The following EFCAB13 variants were observed in gnomAD, a reference collection of about 807,000 sequenced individuals.
EFCAB13 encodes the protein EF-hand calcium binding domain 13.
Under a neutral mutation model 110.2 loss-of-function variants are expected in EFCAB13, and 91 were observed. That is an observed-to-expected ratio of 0.83 (90% CI 0.70 to 0.98). The LOEUF (loss-of-function observed/expected upper bound fraction) is 0.98, where lower values mean the gene tolerates loss of function less well. Among genes scored for constraint, EFCAB13 ranks in the 50% least tolerant of loss-of-function variants. EFCAB13 has a pLI of 0.00. For synonymous variants in EFCAB13, 323 were observed against 369.9 expected (o/e 0.87, Z 1.45); for missense variants, 968 against 1,119.4 (o/e 0.86, Z 1.93).
chr17:47,388,117 G>A (rs751577058), intron 14 of EFCAB13, among the ~76,000 whole-genome samples: 1 of 152,192 alleles, frequency 6.6e-6, no homozygotes, highest in Non-Finnish European at 1.5e-5. Flanking sequence ...GCCTGGGGTT[G>A]CTGGTCCCAC....
intron 18 of EFCAB13, among the ~76,000 whole-genome samples, chr17:47,402,938 C>T (rs2065786450): frequency 6.6e-6 from 1 of 152,148 alleles, no homozygotes; most frequent in Admixed American, 6.5e-5. Flanking sequence ...CCTGGTCTTA[C>T]AGTATGTGGA....
At chr17:47,386,840 A>C (rs1005107734) in intron 14 of EFCAB13, among the ~76,000 whole-genome samples, 4 of 152,130 alleles carry the variant, frequency 2.6e-5, no homozygotes, top group Non-Finnish European at 5.9e-5. Context: ...CAGATAGCAC[A>C]GTCTCTCAAG....
intron 15 of EFCAB13, among the ~76,000 whole-genome samples, chr17:47,393,821 C>T (rs780420134): frequency 4.0e-5 from 6 of 150,710 alleles, no homozygotes; most frequent in East Asian, 1.9e-4. Flanking sequence ...AATTTTGACC[C>T]GTTTTCTTGG....
At chr17:47,337,177 G>A (rs1254692310) in intron 5 of EFCAB13, among the ~76,000 whole-genome samples, 1 of 152,206 alleles carries the variant, frequency 6.6e-6, no homozygotes, top group Non-Finnish European at 1.5e-5. Context: ...GGGAGGTTAG[G>A]AAGAAAAGGA....
chr17:47,423,533 C>T lies in EFCAB13; in HGVS notation c.2495-6285C>T, dbSNP rs549793204. ...GCTCCTCCTTCGCTTCTCCCGATCC[C>T]CGGCCGTGCCAGGCACGGTGCCGGC... On this transcript the variant is annotated intron_variant, in intron 23 of 24. Transcript: ENST00000331493. 4.6e-4 allele frequency: 134 copies of T among 288,424 alleles called. No homozygotes were observed. In the East Asian group the frequency reaches 7.6e-3, roughly 16 times the overall value. The allele number at this position is 288,424 out of a possible 1,614,324, so 17.9% of individuals were successfully genotyped here. A position where few individuals can be genotyped will look rare whatever the true frequency, so the allele number is the denominator to read the frequency against.
At chr17:47,340,629 G>C (rs1205381841) in intron 5 of EFCAB13, among the ~76,000 whole-genome samples, 3 of 151,876 alleles carry the variant, frequency 2.0e-5, no homozygotes, top group Admixed American at 6.6e-5. Flanking sequence ...TTGAGACAGA[G>C]TCTTGCCCTG....
rs547947796 is a variant in EFCAB13, at chr17:47,391,641, A to G, written c.1726+61A>G. The G allele has an allele frequency of 4.7e-4, 671 of 1,437,018 alleles. 4 individuals are homozygous for G. The African/African-American group carries it at 9.1e-3, about 20-fold the overall frequency. The allele number at this position is 1,437,018 out of a possible 1,614,324, so 89.0% of individuals were successfully genotyped here. A position where few individuals can be genotyped will look rare whatever the true frequency, so the allele number is the denominator to read the frequency against. ...CATCTGGAAGGAGGGTCAATTTGTT[A>G]TTTTTTTCTTAGAAAAATGACTAAT... is the stretch of plus-strand genomic sequence containing the variant. On this transcript the variant is annotated intron_variant, in intron 15 of 24. Coordinates refer to ENST00000331493, the MANE Select transcript of EFCAB13 (RefSeq NM_152347.5).
At chr17:47,438,697 T>C (rs1905257150) in intron 24 of EFCAB13, among the ~76,000 whole-genome samples, 1 of 152,212 alleles carries the variant, frequency 6.6e-6, no homozygotes, top group East Asian at 1.9e-4. Flanking sequence ...CTTCACTTCT[T>C]GTATCATATT....
At chr17:47,331,819 A>T (rs1410081389) in intron 4 of EFCAB13, among the ~76,000 whole-genome samples, 1 of 152,110 alleles carries the variant, frequency 6.6e-6, no homozygotes, top group Non-Finnish European at 1.5e-5. Context: ...AGTTGGAATT[A>T]TACAATATGG....
intron 20 of EFCAB13, among the ~76,000 whole-genome samples, chr17:47,406,401 C>T (rs941028471): frequency 2.6e-5 from 4 of 152,044 alleles, no homozygotes; most frequent in African/African-American, 9.7e-5. Flanking sequence ...GAACCACGCC[C>T]GGCCAAATTT....
At chr17:47,355,344 G>A (rs2065474208) in intron 9 of EFCAB13, among the ~76,000 whole-genome samples, 1 of 152,148 alleles carries the variant, frequency 6.6e-6, no homozygotes, top group African/African-American at 2.4e-5. Flanking sequence ...ATAACCTGAT[G>A]ACTATGTGCC....
chr17:47,362,742 C>T (rs529720257), intron 10 of EFCAB13, among the ~76,000 whole-genome samples: 114 of 152,290 alleles, frequency 7.5e-4, no homozygotes, highest in Middle Eastern at 6.8e-3. Flanking sequence ...GAAATAATGG[C>T]GTAAGCTGTC....
In EFCAB13 at chr17:47,409,627, G is replaced by GTC. The variant is rs1228998124; in HGVS notation, c.2234-12_2234-11dup. Reference sequence around the variant, plus strand: ...AGGATGCCATTCCTCATTGTGTAATGTCTCTCTCTAAATTTGCAGATTTCA... The same window carrying GTC: ...AGGATGCCATTCCTCATTGTGTAATGTCTCTCTCTCTAAATTTGCAGATTTCA... On this transcript the variant is annotated intron_variant, in intron 20 of 24. Coordinates refer to ENST00000331493, the MANE Select transcript of EFCAB13 (RefSeq NM_152347.5). The GTC allele has an allele frequency of 6.3e-7, 1 of 1,596,108 alleles. No homozygotes were observed. Among genetic ancestry groups the GTC allele is most frequent in the Non-Finnish European group, 8.6e-7 (1 of 1,164,124 alleles).
intron 6 of EFCAB13, among the ~76,000 whole-genome samples, chr17:47,342,319 C>G (rs2065390180): frequency 6.6e-6 from 1 of 151,910 alleles, no homozygotes; most frequent in South Asian, 2.1e-4. Context: ...GCTTTTTTAA[C>G]AGGAACCCTA....
At chr17:47,430,217 G>C in intron 24 of EFCAB13, 1 of 1,079,348 alleles carries the variant, frequency 9.3e-7, no homozygotes, top group Non-Finnish European at 1.1e-6. Flanking sequence ...TTTGTGAACT[G>C]ACTGACATGC....
chr17:47,374,942 G>GA lies in EFCAB13; in HGVS notation c.1354dup (p.Thr452AsnfsTer4), dbSNP rs756793156. 17 of 1,580,830 alleles carry GA rather than the reference G, an allele frequency of 1.1e-5. No individual in the cohort carries two copies. Among genetic ancestry groups the GA allele is most frequent in the Admixed American group, 3.9e-5 (2 of 50,864 alleles). ...TCTCCAAAAACAGGTTTCGTCTACG[G>GA]AAAAAACTGCAATTAGTACTCTGGG... On this transcript the variant is annotated frameshift_variant, in exon 12 of 25. Transcript: ENST00000331493. LOFTEE classifies it high-confidence loss of function.
At position 47,395,890 on chromosome 17, in the gene EFCAB13, T is replaced by G; in HGVS notation, c.1858T>G (p.Ser620Ala). The change falls in exon 17 of 25, where the codon TCT becomes GCT. Residue 620 changes from serine to alanine, a missense_variant. Coordinates refer to ENST00000331493, the MANE Select transcript of EFCAB13 (RefSeq NM_152347.5). The part of the protein sequence containing the change: ...DDLRKETMSV[S>A]DLWNTLSSLN... ...TCTCAGAAAGGAGACGATGAGTGTT[T>G]CTGACCTGTGGAATACTCTGTCTAG... 6.2e-7 allele frequency: 1 copy of G among 1,611,366 alleles called. No homozygotes were observed. The highest frequency in any genetic ancestry group is 8.5e-7 in the Non-Finnish European group (1 of 1,178,122).
chr17:47,421,003 C>T (rs1164576315), intron 23 of EFCAB13, among the ~76,000 whole-genome samples: 1 of 135,450 alleles, frequency 7.4e-6, no homozygotes, highest in Non-Finnish European at 1.7e-5. Flanking sequence ...GGGTCAGCCC[C>T]CCGTCCGGGA....
intron 9 of EFCAB13, among the ~76,000 whole-genome samples, chr17:47,351,749 GTTGA>G (rs909788263): frequency 1.8e-4 from 27 of 151,906 alleles, no homozygotes; most frequent in Non-Finnish European, 3.4e-4. Flanking sequence ...TGTTCATTCT[GTTGA>G]TTATTTCTTT....
Sources: allele counts gnomAD v4.1 joint callset (sites outside exome capture counted in the v4.1 genomes callset), GRCh38; gene constraint gnomAD v4.1.1; transcripts MANE v1.5; gene names NCBI Gene and HGNC (gene_info 2026-07-23, HGNC 2026-07-21).